Variants in ACTR3C observed in about 807,000 individuals in gnomAD.
ACTR3C encodes the protein actin-related protein 3C.
In ACTR3C, 18 loss-of-function variants were observed where a neutral mutation model predicts 26.3. The observed-to-expected ratio is 0.68, with a 90% confidence interval of 0.47 to 1.01. The LOEUF (loss-of-function observed/expected upper bound fraction) is 1.01. Ranked by LOEUF, ACTR3C falls within the 50% of genes least tolerant of loss-of-function variation. The probability of loss-of-function intolerance (pLI) is 0.00; values close to 1 mark genes in which losing one functional copy is unlikely to be tolerated. For missense variants in ACTR3C, 184 were observed against 250.7 expected, an observed-to-expected ratio of 0.73 and a Z score of 1.80; for synonymous variants, 55 against 94.5, an observed-to-expected ratio of 0.58 and a Z score of 2.42.
At chr7:150,082,254 G>A in the ACTR3C span, among the ~76,000 whole-genome samples, 1 of 152,142 alleles carries the variant, frequency 6.6e-6, no homozygotes, top group African/African-American at 2.4e-5. Context: ...TTGTAGAGTG[G>A]ATGAAATACT....
intron 6 of ACTR3C, among the ~76,000 whole-genome samples, chr7:150,260,196 GAA>G (rs1398586385): frequency 6.6e-6 from 1 of 152,150 alleles, no homozygotes; most frequent in South Asian, 2.1e-4. Flanking sequence ...GCCCTGTACA[GAA>G]AAAAGTTTGC....
chr7:150,047,244 A>T, the ACTR3C span, among the ~76,000 whole-genome samples: 11 of 151,666 alleles, frequency 7.3e-5, no homozygotes, highest in Non-Finnish European at 1.6e-4. Context: ...AAATAAACCA[A>T]CTCGTAAGCA....
At chr7:150,068,857 A>G in the ACTR3C span, among the ~76,000 whole-genome samples, 1 of 151,304 alleles carries the variant, frequency 6.6e-6, no homozygotes, top group Non-Finnish European at 1.5e-5. Flanking sequence ...CCCAATGATA[A>G]ACAATGCAAA....
At chr7:150,041,589 TG>T in the ACTR3C span, 1 of 45,678 alleles carries the variant, frequency 2.2e-5, no homozygotes, top group African/African-American at 9.8e-5. Context: ...TAAGAGCCAG[TG>T]GGGGAACCAG....
the ACTR3C span, among the ~76,000 whole-genome samples, chr7:150,231,755 A>G: frequency 6.6e-6 from 1 of 152,096 alleles, no homozygotes; most frequent in East Asian, 1.9e-4. Context: ...TTATTGTTCT[A>G]CATTTGTTCC....
At chr7:149,947,650 C>T in the ACTR3C span, among the ~76,000 whole-genome samples, 9 of 108,682 alleles carry the variant, frequency 8.3e-5, no homozygotes, top group South Asian at 1.0e-3. Context: ...GCTGGGGCAG[C>T]GTGTGCAGGA....
At chr7:150,163,238 T>C in the ACTR3C span, among the ~76,000 whole-genome samples, 1 of 151,942 alleles carries the variant, frequency 6.6e-6, no homozygotes, top group East Asian at 1.9e-4. Context: ...AAAGTTAACA[T>C]TTGAGCAAAG....
At chr7:150,113,466 A>G in the ACTR3C span, among the ~76,000 whole-genome samples, 1 of 152,130 alleles carries the variant, frequency 6.6e-6, no homozygotes, top group African/African-American at 2.4e-5. Context: ...TCACAAGGGG[A>G]GTCTGGGAGC....
chr7:150,260,621 A>C (rs1418954166), intron 6 of ACTR3C, among the ~76,000 whole-genome samples: 1 of 152,240 alleles, frequency 6.6e-6, no homozygotes, highest in Non-Finnish European at 1.5e-5. Context: ...CAAAAGGTGA[A>C]TTAACCTAGG....
the ACTR3C span, among the ~76,000 whole-genome samples, chr7:150,214,981 A>G: frequency 6.6e-6 from 1 of 150,994 alleles, no homozygotes; most frequent in Non-Finnish European, 1.5e-5. Context: ...CAAAGTAAAA[A>G]TGTAGGTGGG....
the ACTR3C span, among the ~76,000 whole-genome samples, chr7:150,140,652 G>C: frequency 6.6e-6 from 1 of 152,114 alleles, no homozygotes; most frequent in Non-Finnish European, 1.5e-5. Context: ...GGCTCCAAAT[G>C]GTTTTTTACT....
At chr7:150,037,070 G>T in the ACTR3C span, among the ~76,000 whole-genome samples, 27 of 112,110 alleles carry the variant, frequency 2.4e-4, 1 homozygote, top group African/African-American at 7.0e-4. Flanking sequence ...CTCGCGGGGG[G>T]TGCCTCCCCC....
chr7:149,993,808 C>A, the ACTR3C span, among the ~76,000 whole-genome samples: 17 of 152,358 alleles, frequency 1.1e-4, no homozygotes, highest in African/African-American at 3.8e-4. Context: ...ACGGGGCTGG[C>A]CTCTGTGATT....
the ACTR3C span, among the ~76,000 whole-genome samples, chr7:150,172,368 A>G: frequency 6.6e-6 from 1 of 150,638 alleles, no homozygotes; most frequent in Non-Finnish European, 1.5e-5. Flanking sequence ...AAAATGAGGA[A>G]GAAGCAAACG....
chr7:150,071,045 C>T, the ACTR3C span, among the ~76,000 whole-genome samples: 4 of 151,170 alleles, frequency 2.6e-5, no homozygotes, highest in East Asian at 2.0e-4. Context: ...CCACCTACCT[C>T]AGCCTCCCAA....
the ACTR3C span, among the ~76,000 whole-genome samples, chr7:150,027,031 C>T: frequency 5.9e-5 from 9 of 151,816 alleles, no homozygotes; most frequent in Non-Finnish European, 1.0e-4. Flanking sequence ...AATTTGTGAC[C>T]GAGCCAGGAT....
At chr7:150,093,992 C>T in the ACTR3C span, among the ~76,000 whole-genome samples, 6 of 150,440 alleles carry the variant, frequency 4.0e-5, 1 homozygote, top group African/African-American at 1.5e-4. Flanking sequence ...ACCATAGCCT[C>T]GGTTTTCTGG....
At chr7:149,995,825 G>A in the ACTR3C span, among the ~76,000 whole-genome samples, 2 of 152,360 alleles carry the variant, frequency 1.3e-5, no homozygotes, top group Admixed American at 6.5e-5. Context: ...CCAGCAGCAC[G>A]CTGCACGGTC....
chr7:150,077,417 G>A, the ACTR3C span, among the ~76,000 whole-genome samples: 1 of 152,146 alleles, frequency 6.6e-6, no homozygotes, highest in Admixed American at 6.5e-5. Context: ...TGTGACCTCT[G>A]TGGTTAAAGG....
Sources: gnomAD v4.1 joint callset for allele counts (sites outside exome capture counted in the v4.1 genomes callset) on GRCh38, gnomAD v4.1.1 for gene constraint, MANE v1.5 for transcripts, NCBI Gene and HGNC (gene_info 2026-07-23, HGNC 2026-07-21) for gene names.